The following NLK variants were observed in gnomAD, a reference collection of about 807,000 sequenced individuals.
NLK encodes the protein nemo like kinase.
In NLK, 11 loss-of-function variants were observed where a neutral mutation model predicts 59.0. The observed-to-expected ratio is 0.19, with a 90% CI of 0.12 to 0.31. The LOEUF is 0.31. Ranked by LOEUF, NLK falls within the 10% of genes least tolerant of loss-of-function variation. The pLI is 1.00. For synonymous variants in NLK, 235 were observed against 235.9 expected (o/e 1.00, Z 0.03); for missense variants, 410 against 661.1 (o/e 0.62, Z 4.16).
intron 3 of NLK, among the ~76,000 whole-genome samples, chr17:28,138,662 T>G (rs1156296355): frequency 2.6e-5 from 4 of 152,216 alleles, no homozygotes. Flanking sequence ...CTTTCTTCAA[T>G]AATGGTACTA....
chr17:28,051,341 AG>A (rs1909247948), intron 1 of NLK, among the ~76,000 whole-genome samples: 1 of 151,418 alleles, frequency 6.6e-6, no homozygotes, highest in African/African-American at 2.4e-5. Flanking sequence ...TTGATGTTCA[AG>A]GTGCCATTTC....
At chr17:28,091,082 T>G (rs1904475488) in intron 1 of NLK, among the ~76,000 whole-genome samples, 1 of 152,100 alleles carries the variant, frequency 6.6e-6, no homozygotes, top group Non-Finnish European at 1.5e-5. Flanking sequence ...TTATTTCATT[T>G]TATTTATTTA....
At chr17:28,188,368 AT>A (rs1909194338) in intron 8 of NLK, among the ~76,000 whole-genome samples, 1 of 152,140 alleles carries the variant, frequency 6.6e-6, no homozygotes, top group Non-Finnish European at 1.5e-5. Flanking sequence ...TATATTAAGG[AT>A]TTTTTTTATT....
chr17:28,082,357 A>G (rs1910377929), intron 1 of NLK, among the ~76,000 whole-genome samples: 1 of 152,028 alleles, frequency 6.6e-6, no homozygotes, highest in East Asian at 1.9e-4. Context: ...AAAGGGGGGA[A>G]AAGGGAGGGA....
chr17:28,199,778 A>G (rs1349809817), downstream of NLK, among the ~76,000 whole-genome samples: 1 of 152,094 alleles, frequency 6.6e-6, no homozygotes, highest in East Asian at 1.9e-4. Flanking sequence ...CTTTGTGTTC[A>G]ATATCTCTGT....
chr17:28,086,286 T>C (rs1288915787), intron 1 of NLK, among the ~76,000 whole-genome samples: 2 of 152,182 alleles, frequency 1.3e-5, no homozygotes, highest in Non-Finnish European at 2.9e-5. Context: ...CTTTTAATGA[T>C]CCTTGCTGGA....
At chr17:28,043,655 T>C (rs34628405) in intron 1 of NLK, among the ~76,000 whole-genome samples, 7,579 of 152,294 alleles carry the variant, frequency 0.05, 625 homozygotes, top group African/African-American at 0.17. Flanking sequence ...ACGAAGACCT[T>C]GGTCATCTCG....
intron 1 of NLK, among the ~76,000 whole-genome samples, chr17:28,068,034 A>G (rs1366282081): frequency 1.3e-5 from 2 of 151,516 alleles, no homozygotes; most frequent in Non-Finnish European, 2.9e-5. Context: ...CCAGCTACTC[A>G]GGAGGCTGAG....
chr17:28,176,173 A>G (rs972919992), intron 7 of NLK, among the ~76,000 whole-genome samples: 3 of 152,186 alleles, frequency 2.0e-5, no homozygotes, highest in Non-Finnish European at 2.9e-5. Context: ...GCTTAGGCCA[A>G]TTGGGAGGTC....
chr17:28,083,446 G>C (rs1175036928), intron 1 of NLK, among the ~76,000 whole-genome samples: 1 of 152,116 alleles, frequency 6.6e-6, no homozygotes, highest in Admixed American at 6.5e-5. Context: ...AAAGCTTCCT[G>C]TACTAGATTA....
At chr17:28,193,751 T>C (rs886666627) in intron 10 of NLK, among the ~76,000 whole-genome samples, 13 of 152,256 alleles carry the variant, frequency 8.5e-5, no homozygotes, top group African/African-American at 3.1e-4. Context: ...GATTTTATGC[T>C]TAAAATTTGC....
At chr17:28,156,919 GT>G (rs1311361747) in intron 3 of NLK, among the ~76,000 whole-genome samples, 5 of 151,840 alleles carry the variant, frequency 3.3e-5, no homozygotes, top group Admixed American at 2.6e-4. Context: ...CAAAACCGTG[GT>G]TTTTTTTCTA....
chr17:28,156,089 A>T (rs1256744436), intron 3 of NLK, among the ~76,000 whole-genome samples: 1 of 152,186 alleles, frequency 6.6e-6, no homozygotes, highest in East Asian at 1.9e-4. Context: ...AATGAAGTTT[A>T]AGAAAACTAT....
intron 5 of NLK, among the ~76,000 whole-genome samples, chr17:28,164,567 G>T (rs1304526827): frequency 6.6e-6 from 1 of 151,986 alleles, no homozygotes; most frequent in Non-Finnish European, 1.5e-5. Flanking sequence ...TACAGCCATT[G>T]TCTTTCATTT....
Position 28,163,529 on chromosome 17 carries a change from GT to G in NLK, c.752-11del. 1 of 1,497,344 alleles carries G rather than the reference GT, an allele frequency of 6.7e-7. No homozygotes were observed. The highest frequency in any genetic ancestry group is 9.2e-7 in the Non-Finnish European group (1 of 1,084,250). The allele number at this position is 1,497,344 out of a possible 1,614,324, so 92.8% of individuals were successfully genotyped here. The stretch of plus-strand genomic sequence containing the variant: ...GAATTAAATATCTGCAATTAAATCT[GT>G]TTGTTATTTCAGGTTTGAAATATCT... On this transcript the variant is annotated splice_polypyrimidine_tract_variant and intron_variant, in intron 4 of 10. Coordinates refer to ENST00000407008, the MANE Select transcript of NLK (RefSeq NM_016231.5).
At position 28,097,794 on chromosome 17, in the gene NLK, G is replaced by A. The variant is rs79685937; in HGVS notation, c.459-24809G>A. ...GTTTTAGCAACTAGGAAACCATTGAGGATATATCACTTTTCAGTTGTGATT... is the reference window on the plus strand; with the variant it reads ...GTTTTAGCAACTAGGAAACCATTGAAGATATATCACTTTTCAGTTGTGATT... On this transcript the variant is annotated intron_variant, in intron 1 of 10. Transcript: ENST00000407008. Among the ~76,000 whole-genome samples, 212 of 152,188 alleles carry A rather than the reference G, an allele frequency of 1.4e-3. 6 individuals carry two copies. The East Asian group carries it at 0.035, about 25-fold the overall frequency.
At chr17:28,115,405 C>A (rs900008058) in intron 1 of NLK, among the ~76,000 whole-genome samples, 2 of 152,202 alleles carry the variant, frequency 1.3e-5, no homozygotes, top group African/African-American at 4.8e-5. Context: ...ATAACTGATA[C>A]AACCTTCCTG....
chr17:28,133,930 C>G (rs1906625410), intron 3 of NLK, among the ~76,000 whole-genome samples: 1 of 151,992 alleles, frequency 6.6e-6, no homozygotes, highest in Non-Finnish European at 1.5e-5. Flanking sequence ...GAGAACTAAG[C>G]TGGGTAAGGA....
At chr17:28,173,584 T>C (rs2142058834) in intron 7 of NLK, among the ~76,000 whole-genome samples, 1 of 152,306 alleles carries the variant, frequency 6.6e-6, no homozygotes, top group South Asian at 2.1e-4. Flanking sequence ...CCCAGGCTAG[T>C]AAATAGAGAT....
Sources: allele counts gnomAD v4.1 joint callset (sites outside exome capture counted in the v4.1 genomes callset), GRCh38; gene constraint gnomAD v4.1.1; transcripts MANE v1.5; gene names NCBI Gene and HGNC (gene_info 2026-07-23, HGNC 2026-07-21).